The following RGS7 variants were observed in gnomAD, a reference collection of about 807,000 sequenced individuals.
RGS7 encodes regulator of G-protein signaling 7.
In RGS7, 27 loss-of-function variants were observed where a neutral mutation model predicts 81.1. That is an observed-to-expected ratio of 0.33 (90% CI 0.25 to 0.46). The LOEUF is 0.46. Ranked by LOEUF, RGS7 falls within the 20% of genes least tolerant of loss-of-function variation. The pLI is 1.00. For missense variants in RGS7, 396 were observed against 607.4 expected (o/e 0.65, Z 3.66); for synonymous variants, 208 against 207.7 (o/e 1.00, Z -0.01).
chr1:241,297,053 G>A (rs1281818842), intron 2 of RGS7, among the ~76,000 whole-genome samples: 2 of 151,922 alleles, frequency 1.3e-5, no homozygotes, highest in African/African-American at 4.8e-5. Flanking sequence ...GCTGGGTCTT[G>A]TTCATGTCCC....
chr1:241,270,664 C>T (rs2077829764), intron 2 of RGS7, among the ~76,000 whole-genome samples: 1 of 152,126 alleles, frequency 6.6e-6, no homozygotes, highest in South Asian at 2.1e-4. Flanking sequence ...TCTTTTCTCT[C>T]TCCAGGGGAG....
intron 6 of RGS7, among the ~76,000 whole-genome samples, chr1:240,880,179 C>T (rs1666130523): frequency 6.6e-6 from 1 of 152,188 alleles, no homozygotes; most frequent in Non-Finnish European, 1.5e-5. Context: ...ATAGCTGAGA[C>T]TCACAGGCAC....
Position 241,235,235 on chromosome 1 carries a change from A to T in RGS7, c.78+120464T>A, listed in dbSNP as rs144747515. 2.1e-4 allele frequency among the ~76,000 whole-genome samples: 32 copies of T among 152,348 alleles called. No individual in the cohort carries two copies. In the East Asian group the frequency reaches 4.6e-3, roughly 22 times the overall value. ...AAAAGCTGATGTTCAGAGAGGTGAC[A>T]CAACTAATTCCAGGCCACACAAACA... is the stretch of plus-strand genomic sequence containing the variant. On this transcript the variant is annotated intron_variant, in intron 2 of 18. Transcript: ENST00000440928.
At chr1:241,043,608 A>T (rs1283787053) in intron 3 of RGS7, among the ~76,000 whole-genome samples, 1 of 147,440 alleles carries the variant, frequency 6.8e-6, no homozygotes, top group African/African-American at 2.5e-5. Context: ...TTATAATATT[A>T]TATAGTTATA....
chr1:241,181,638 A>G (rs948415806), intron 2 of RGS7, among the ~76,000 whole-genome samples: 1 of 152,168 alleles, frequency 6.6e-6, no homozygotes, highest in African/African-American at 2.4e-5. Context: ...CTAGGAAGGA[A>G]GCATCAGAAC....
chr1:241,204,243 G>A (rs796690015), intron 2 of RGS7, among the ~76,000 whole-genome samples: 23 of 152,186 alleles, frequency 1.5e-4, no homozygotes, highest in African/African-American at 4.8e-4. Context: ...CACCCAAGGA[G>A]GAGGGTAATT....
intron 18 of RGS7, among the ~76,000 whole-genome samples, chr1:240,790,511 A>G (rs1489832037): frequency 6.6e-6 from 1 of 152,176 alleles, no homozygotes; most frequent in African/African-American, 2.4e-5. Flanking sequence ...GAGGGAGGTG[A>G]TGTAAATCAC....
intron 3 of RGS7, among the ~76,000 whole-genome samples, chr1:241,080,727 T>A (rs1055097937): frequency 2.0e-5 from 3 of 152,216 alleles, no homozygotes; most frequent in Non-Finnish European, 4.4e-5. Flanking sequence ...AGAGTCACTC[T>A]TTTAGAACCA....
At chr1:240,819,175 A>C (rs1188215357) in intron 10 of RGS7, among the ~76,000 whole-genome samples, 1 of 152,198 alleles carries the variant, frequency 6.6e-6, no homozygotes, top group East Asian at 1.9e-4. Context: ...AAAGACTCTG[A>C]GACTTGAAGT....
chr1:241,281,499 C>T (rs1474309991), intron 2 of RGS7, among the ~76,000 whole-genome samples: 1 of 152,180 alleles, frequency 6.6e-6, no homozygotes, highest in Admixed American at 6.5e-5. Context: ...CTGAATAACA[C>T]CATGGGACCC....
chr1:240,803,082 C>A, intron 15 of RGS7, 89 bp from the exon 16 acceptor site: 5 of 870,856 alleles, frequency 5.7e-6, no homozygotes, highest in Non-Finnish European at 9.8e-6. Context: ...AAGAACAAAT[C>A]TAGTAGCAGC....
intron 18 of RGS7, among the ~76,000 whole-genome samples, chr1:240,782,138 G>A (rs1385385075): frequency 1.3e-5 from 2 of 152,200 alleles, no homozygotes; most frequent in Non-Finnish European, 2.9e-5. Flanking sequence ...TGCAAATCCT[G>A]CCTTATTCAC....
At chr1:240,996,170 T>G (rs1482008649) in intron 3 of RGS7, among the ~76,000 whole-genome samples, 1 of 152,200 alleles carries the variant, frequency 6.6e-6, no homozygotes. Flanking sequence ...GTATAATGTC[T>G]GTTTTTTAAA....
intron 9 of RGS7, among the ~76,000 whole-genome samples, chr1:240,865,448 A>G (rs1425864324): frequency 4.6e-5 from 7 of 152,182 alleles, no homozygotes; most frequent in Non-Finnish European, 8.8e-5. Context: ...GTGGTCTGGG[A>G]TTCTACGTTG....
intron 3 of RGS7, among the ~76,000 whole-genome samples, chr1:240,993,476 T>C (rs983550763): frequency 1.3e-5 from 2 of 152,200 alleles, no homozygotes; most frequent in African/African-American, 4.8e-5. Context: ...GTATTGAACA[T>C]GTTTTCATAT....
chr1:241,184,964 G>A (rs2071962434), intron 2 of RGS7, among the ~76,000 whole-genome samples: 3 of 152,200 alleles, frequency 2.0e-5, no homozygotes, highest in African/African-American at 7.2e-5. Context: ...TTCTTAAGCA[G>A]AATGAAGGCA....
At chr1:240,849,425 C>CA (rs902286080) in intron 9 of RGS7, among the ~76,000 whole-genome samples, 49 of 152,186 alleles carry the variant, frequency 3.2e-4, no homozygotes, top group African/African-American at 1.1e-3. Context: ...GGAAATAAAA[C>CA]AAAACTCAGT....
Position 240,879,640 on chromosome 1 carries a change from C to T in RGS7, c.386-9521G>A, listed in dbSNP as rs555622706. 7.9e-5 allele frequency among the ~76,000 whole-genome samples: 12 copies of T among 152,288 alleles called. No homozygotes were observed. In the East Asian group the frequency reaches 1.9e-3, roughly 24 times the overall value. ...TGGAAAGTGACAAAACTTGTTACCA[C>T]TCCGTTAGTGGCCATGCTCATATCT... is the stretch of plus-strand genomic sequence containing the variant. On this transcript the variant is annotated intron_variant, in intron 6 of 18. Coordinates refer to ENST00000440928, the MANE Select transcript of RGS7 (RefSeq NM_001364886.1).
At chr1:240,926,609 C>G (rs1418231215) in intron 6 of RGS7, among the ~76,000 whole-genome samples, 2 of 152,144 alleles carry the variant, frequency 1.3e-5, no homozygotes, top group Non-Finnish European at 2.9e-5. Flanking sequence ...TTTCAGTTTG[C>G]TACAACTGAC....
Sources: allele counts gnomAD v4.1 joint callset (sites outside exome capture counted in the v4.1 genomes callset), GRCh38; gene constraint gnomAD v4.1.1; transcripts MANE v1.5; gene names NCBI Gene and HGNC (gene_info 2026-07-23, HGNC 2026-07-21).